The following RPIA variants were observed in gnomAD, a reference collection of about 807,000 sequenced individuals.
The protein encoded by RPIA is ribose-5-phosphate isomerase.
In RPIA, 29 loss-of-function variants were observed where a neutral mutation model predicts 37.8. That is an observed-to-expected ratio of 0.77 (90% CI 0.57 to 1.05). RPIA has a LOEUF of 1.05. Among genes scored for constraint, RPIA ranks in the 50% least tolerant of loss-of-function variants. The pLI is 0.00. For missense variants in RPIA, 385 were observed against 413.6 expected (o/e 0.93, Z 0.60); for synonymous variants, 167 against 157.0 (o/e 1.06, Z -0.48).
chr2:88,696,489 T>G (rs1672749368), intron 1 of RPIA, among the ~76,000 whole-genome samples: 1 of 149,668 alleles, frequency 6.7e-6, no homozygotes, highest in African/African-American at 2.5e-5. Flanking sequence ...AAGATGAGTT[T>G]GTGTGTGTGT....
chr2:88,714,352 A>C (rs1192923524), intron 3 of RPIA, among the ~76,000 whole-genome samples: 1 of 151,960 alleles, frequency 6.6e-6, no homozygotes, highest in Non-Finnish European at 1.5e-5. Context: ...TTGTATTTCT[A>C]GTAGAGACAG....
rs188873996 is a variant in RPIA, at chr2:88,699,198, G to T, written c.346+654G>T. On this transcript the variant is annotated intron_variant, in intron 2 of 8. Transcript: ENST00000283646. Reference sequence around the variant, plus strand: ...TTATCAAGGAGTGGTTTTAGTGCTGGTGTGATGGCTTCTGGAAGCCTTCTC... The same window carrying T: ...TTATCAAGGAGTGGTTTTAGTGCTGTTGTGATGGCTTCTGGAAGCCTTCTC... 2.6e-5 allele frequency among the ~76,000 whole-genome samples: 4 copies of T among 152,308 alleles called. No homozygotes were observed. In the East Asian group the frequency reaches 7.7e-4, roughly 29 times the overall value.
In RPIA at chr2:88,732,741, A is replaced by T. The variant is rs1573475137; in HGVS notation, c.463-1811A>T. ...CTTAGAGTATAATAAAAAAAAAAAAAAAAAAAAAAAAAAAAAAAAAAAAAG... is the reference window on the plus strand; with the variant it reads ...CTTAGAGTATAATAAAAAAAAAAAATAAAAAAAAAAAAAAAAAAAAAAAAG... On this transcript the variant is annotated intron_variant, in intron 4 of 8. Coordinates refer to ENST00000283646, the MANE Select transcript of RPIA (RefSeq NM_144563.3). Among the ~76,000 whole-genome samples the T allele has an allele frequency of 1.8e-4, 2 of 10,848 alleles. 1 individual carries two copies. The highest frequency in any genetic ancestry group is 1.6e-3 in the East Asian group (2 of 1,270). The allele number at this position is 10,848 out of a possible 152,430, so 7.1% of individuals were successfully genotyped here. A position where few individuals can be genotyped will look rare whatever the true frequency, so the allele number is the denominator to read the frequency against.
chr2:88,725,864 G>A (rs1673190536), intron 3 of RPIA, among the ~76,000 whole-genome samples: 1 of 152,200 alleles, frequency 6.6e-6, no homozygotes, highest in Non-Finnish European at 1.5e-5. Context: ...AGAAGGGAGA[G>A]TTGGAGAACT....
chr2:88,729,661 G>T (rs1240954041), intron 4 of RPIA, among the ~76,000 whole-genome samples: 1 of 152,202 alleles, frequency 6.6e-6, no homozygotes, highest in Non-Finnish European at 1.5e-5. Context: ...CATGGAGCTT[G>T]CCACTAAGTG....
At chr2:88,718,102 C>A (rs906305785) in intron 3 of RPIA, among the ~76,000 whole-genome samples, 11 of 152,050 alleles carry the variant, frequency 7.2e-5, no homozygotes, top group Admixed American at 3.9e-4. Flanking sequence ...AGGAAAAAAA[C>A]CCCTGAAAAC....
At chr2:88,707,025 A>G (rs1389214430) in intron 3 of RPIA, among the ~76,000 whole-genome samples, 1 of 152,252 alleles carries the variant, frequency 6.6e-6, no homozygotes. Flanking sequence ...GCATAAATGT[A>G]TACCTTGTGT....
At chr2:88,726,518 C>G (rs547484888) in intron 3 of RPIA, among the ~76,000 whole-genome samples, 96 of 152,180 alleles carry the variant, frequency 6.3e-4, no homozygotes, top group African/African-American at 2.2e-3. Flanking sequence ...TAGAGAGGCC[C>G]TTGTGCATGG....
intron 8 of RPIA, among the ~76,000 whole-genome samples, chr2:88,741,693 C>G (rs572543550): frequency 2.5e-4 from 38 of 152,370 alleles, no homozygotes; most frequent in African/African-American, 8.9e-4. Flanking sequence ...TACATTCCCA[C>G]CAGCAGTGTG....
Position 88,729,314 on chromosome 2 carries a change from A to G in RPIA, c.439A>G (p.Ser147Gly), listed in dbSNP as rs1220520183. 6.8e-6 allele frequency: 11 copies of G among 1,614,156 alleles called. No homozygotes were observed. Among genetic ancestry groups the G allele is most frequent in the Middle Eastern group, 1.6e-4 (1 of 6,062 alleles). ...QLILQYGLTL[S>G]DLDRHPEIDL... ...CATCCTGCAGTATGGCTTGACCCTC[A>G]GTGATCTGGATCGACACCCAGAGGT... The change falls in exon 4 of 9, where the codon AGT (serine) becomes GGT (glycine). Residue 147 changes from serine to glycine, a missense_variant. Transcript: ENST00000283646.
In RPIA at chr2:88,721,370, AAAAAG is replaced by A. The variant is rs1197167352; in HGVS notation, c.403-7903_403-7899del. ...TCCAGAACTTAAAGTATAATTTAAA[AAAAAG>A]AAAATAAATTTAATAATTATACTTT... On this transcript the variant is annotated intron_variant, in intron 3 of 8. Transcript: ENST00000283646. Among the ~76,000 whole-genome samples the A allele has an allele frequency of 4.0e-5, 6 of 151,078 alleles. 1 individual carries two copies. The South Asian group carries it at 6.3e-4, about 16-fold the overall frequency.
In RPIA at chr2:88,691,895, A is replaced by G. The variant is rs776100495; in HGVS notation, c.197A>G (p.Asn66Ser). The change falls in exon 1 of 9, where the codon AAC (asparagine) becomes AGC (serine). Residue 66 changes from asparagine to serine, a missense_variant. Around this residue, in one of 2 missense-constraint regions of RPIA, gnomAD observed 232 missense variants for 203.0 expected, o/e 1.14. Transcript: ENST00000283646. ...ACAAGCACCAGCTGCGGGGACTCCA[A>G]CAGCATCTGCCCGGCCCCCTCCACG... is the stretch of plus-strand genomic sequence containing the variant. Reference protein sequence around the residue: ...GNTSTSCGDSNSICPAPSTMS... With the variant: ...GNTSTSCGDSSSICPAPSTMS... The G allele has an allele frequency of 2.3e-5, 37 of 1,596,262 alleles. No homozygotes were observed. The highest frequency in any genetic ancestry group is 1.9e-4 in the Admixed American group (11 of 56,994).
At chr2:88,701,347 T>C (rs1481162233) in intron 3 of RPIA, among the ~76,000 whole-genome samples, 1 of 151,920 alleles carries the variant, frequency 6.6e-6, no homozygotes, top group Non-Finnish European at 1.5e-5. Flanking sequence ...AAAAGCTAAG[T>C]ATCTAATTTT....
chr2:88,709,114 T>C (rs1672932775), intron 3 of RPIA, among the ~76,000 whole-genome samples: 1 of 152,212 alleles, frequency 6.6e-6, no homozygotes, highest in Non-Finnish European at 1.5e-5. Flanking sequence ...AGACTAAGGA[T>C]GGTATACACA....
chr2:88,707,844 G>A (rs1011006031), intron 3 of RPIA, among the ~76,000 whole-genome samples: 9 of 152,186 alleles, frequency 5.9e-5, no homozygotes, highest in African/African-American at 2.2e-4. Context: ...GCCAGACCAG[G>A]CATGGAATTG....
intron 3 of RPIA, among the ~76,000 whole-genome samples, chr2:88,717,959 TG>T (rs1372084388): frequency 3.3e-5 from 5 of 152,136 alleles, no homozygotes; most frequent in Admixed American, 2.6e-4. Flanking sequence ...GGTATGAAAG[TG>T]GCTTATGTAT....
intron 3 of RPIA, among the ~76,000 whole-genome samples, chr2:88,705,188 A>T (rs1026215903): frequency 1.3e-5 from 2 of 152,204 alleles, no homozygotes; most frequent in Non-Finnish European, 2.9e-5. Flanking sequence ...ACTACCATTG[A>T]CATTCTTCAC....
In RPIA at chr2:88,749,980, G is replaced by C; in HGVS notation, c.839-1G>C. On this transcript the variant is annotated splice_acceptor_variant, in intron 8 of 8. Coordinates refer to ENST00000283646, the MANE Select transcript of RPIA (RefSeq NM_144563.3). LOFTEE classifies it high-confidence loss of function. ...GTTTCTTTCTGTCCTTTGTCCTGCA[G>C]GTGTGGTGGACACAGGCCTATTCAT... The C allele has an allele frequency of 6.2e-7, 1 of 1,608,808 alleles. No individual in the cohort carries two copies. Among genetic ancestry groups the C allele is most frequent in the Non-Finnish European group, 8.5e-7 (1 of 1,175,424 alleles).
chr2:88,716,552 A>G (rs1206800113), intron 3 of RPIA, among the ~76,000 whole-genome samples: 1 of 152,148 alleles, frequency 6.6e-6, no homozygotes, highest in African/African-American at 2.4e-5. Context: ...TCCTCACCCA[A>G]CTGAGTTTTA....
Sources: gnomAD v4.1 joint callset for allele counts (sites outside exome capture counted in the v4.1 genomes callset) on GRCh38, gnomAD v4.1.1 for gene constraint, gnomAD v4.1.1 regional missense constraint, MANE v1.5 for transcripts, NCBI Gene and HGNC (gene_info 2026-07-23, HGNC 2026-07-21) for gene names.